Variants in LITAF observed in about 807,000 individuals in gnomAD.
LITAF encodes the protein lipopolysaccharide-induced tumor necrosis factor-alpha factor.
In LITAF, 9 loss-of-function variants were observed where a neutral mutation model predicts 14.5. The observed-to-expected ratio is 0.62, with a 90% confidence interval of 0.37 to 1.08. LITAF has a LOEUF of 1.08. Among genes scored for constraint, LITAF ranks in the 50% least tolerant of loss-of-function variants. The pLI, the probability that LITAF is intolerant of heterozygous loss-of-function variation, is 0.01. For synonymous variants in LITAF, 98 were observed against 88.2 expected (o/e 1.11, Z -0.62); for missense variants, 206 against 213.4 (o/e 0.97, Z 0.22).
chr16:11,577,447 A>C (rs1009681973), intron 1 of LITAF, among the ~76,000 whole-genome samples: 2 of 150,158 alleles, frequency 1.3e-5, no homozygotes, highest in African/African-American at 2.5e-5. Flanking sequence ...CCTCCCGAGT[A>C]GCCGAGATTA....
chr16:11,596,954 C>T (rs1342858149), intron 1 of LITAF, among the ~76,000 whole-genome samples: 1 of 152,120 alleles, frequency 6.6e-6, no homozygotes, highest in Non-Finnish European at 1.5e-5. Context: ...AACAATCCAG[C>T]TGTTTTACAG....
At chr16:11,584,748 C>T (rs2064783884) in intron 1 of LITAF, among the ~76,000 whole-genome samples, 1 of 152,192 alleles carries the variant, frequency 6.6e-6, no homozygotes, top group Non-Finnish European at 1.5e-5. Context: ...CTACTTTCTA[C>T]CCATTGCGTA....
intron 3 of LITAF, among the ~76,000 whole-genome samples, chr16:11,624,178 C>T (rs950429620): frequency 6.6e-6 from 1 of 152,156 alleles, no homozygotes; most frequent in Non-Finnish European, 1.5e-5. Context: ...CCTCTGCTCT[C>T]CTCTGTGATT....
intron 2 of LITAF, chr16:11,556,237 A>G (rs549708708): frequency 3.0e-5 from 16 of 538,258 alleles, no homozygotes; most frequent in Non-Finnish European, 4.9e-5. Context: ...CCATTCTCAG[A>G]AGAAAGTTGG....
chr16:11,569,130 A>G (rs1397981990), intron 1 of LITAF, among the ~76,000 whole-genome samples: 2 of 152,216 alleles, frequency 1.3e-5, no homozygotes, highest in African/African-American at 4.8e-5. Flanking sequence ...GAGCAGCTGA[A>G]CAGGACGCGG....
chr16:11,623,932 A>C (rs910490905), intron 3 of LITAF, among the ~76,000 whole-genome samples: 1 of 152,066 alleles, frequency 6.6e-6, no homozygotes, highest in Non-Finnish European at 1.5e-5. Flanking sequence ...GTGCCATTGC[A>C]CTCCAGCCTG....
chr16:11,582,536 AAATATT>A (rs1229760429), intron 1 of LITAF, among the ~76,000 whole-genome samples: 20 of 152,146 alleles, frequency 1.3e-4, no homozygotes, highest in African/African-American at 4.6e-4. Context: ...GAAAAAGGAG[AAATATT>A]CAATTCTACT....
chr16:11,609,944 G>A (rs2141876644), intron 3 of LITAF, among the ~76,000 whole-genome samples: 1 of 152,234 alleles, frequency 6.6e-6, no homozygotes, highest in Non-Finnish European at 1.5e-5. Flanking sequence ...TCCAGGCCCA[G>A]AGGTCCCCGC....
chr16:11,574,816 T>C (rs1049012445), intron 1 of LITAF, among the ~76,000 whole-genome samples: 6 of 152,088 alleles, frequency 3.9e-5, no homozygotes, highest in Admixed American at 3.9e-4. Context: ...TTTTTTCTCT[T>C]TTTTGAGACA....
At position 11,549,223 on chromosome 16, in the gene LITAF, G is replaced by A. The variant is rs1481091432; in HGVS notation, c.*414C>T. 3 of 443,298 alleles carry A rather than the reference G, an allele frequency of 6.8e-6. No individual in the cohort carries two copies. The highest frequency in any genetic ancestry group is 1.4e-5 in the Non-Finnish European group (3 of 221,170). 27.5% of individuals were successfully genotyped at this position (443,298 alleles called of 1,614,324 possible). ...CTAAAGGCTGGTTCAGCCGAGCTCT[G>A]GGCAGAACAGCCTCAAAAATAAGGC... On this transcript the variant is annotated 3_prime_UTR_variant, in exon 4 of 4. Transcript: ENST00000622633. This position sits in a 1 kb window ranked among gnomAD's most constrained non-coding sequence, Gnocchi z 4.6.
rs188526966 is a variant in LITAF at position 11,613,597 on chromosome 16, C to T, written c.85+19936G>A. On this transcript the variant is annotated intron_variant, in intron 3 of 3. Coordinates refer to the LITAF transcript ENST00000574848. The stretch of plus-strand genomic sequence containing the variant: ...CAAACTGGGCTCCTATGAAAGCTCC[C>T]AGAGGGTGAGGGCAGTCAGGGAAGG... Among the ~76,000 whole-genome samples, 39 of 152,330 alleles carry T rather than the reference C, an allele frequency of 2.6e-4. No homozygotes were observed. The East Asian group carries it at 7.1e-3, about 28-fold the overall frequency.
At chr16:11,583,547 A>T (rs542289201) in intron 1 of LITAF, among the ~76,000 whole-genome samples, 4 of 152,356 alleles carry the variant, frequency 2.6e-5, no homozygotes, top group Middle Eastern at 3.4e-3. Context: ...CCGCCCGATA[A>T]GGACAGCCAG....
chr16:11,600,302 C>T (rs2064919207), upstream of LITAF, among the ~76,000 whole-genome samples: 3 of 152,356 alleles, frequency 2.0e-5, no homozygotes, highest in South Asian at 6.2e-4. This position sits in a 1 kb window ranked among gnomAD's most constrained non-coding sequence, Gnocchi z 4.1. Context: ...TAAATAACTA[C>T]ATCATGGTTG....
rs1207341216 is a variant in LITAF, at chr16:11,548,839, T to A, written c.*798A>T. On this transcript the variant is annotated 3_prime_UTR_variant, in exon 4 of 4. Coordinates refer to ENST00000622633, the MANE Select transcript of LITAF (RefSeq NM_001136472.2). ...TTTTTTTAAAAAAAAGAAATTCTGTTCAAAAGTATTTCAGACCAAAAGGAG... is the reference window on the plus strand; with the variant it reads ...TTTTTTTAAAAAAAAGAAATTCTGTACAAAAGTATTTCAGACCAAAAGGAG... The A allele has an allele frequency of 6.6e-6, 3 of 453,324 alleles. No homozygotes were observed. The highest frequency in any genetic ancestry group is 7.0e-5 in the East Asian group (1 of 14,380). 28.1% of individuals were successfully genotyped at this position (453,324 alleles called of 1,614,324 possible).
chr16:11,574,975 T>G (rs540915560), intron 1 of LITAF, among the ~76,000 whole-genome samples: 10 of 152,172 alleles, frequency 6.6e-5, no homozygotes, highest in East Asian at 1.9e-4. Flanking sequence ...GCTCATTTTT[T>G]TATTTTTAGT....
chr16:11,587,104 C>T, upstream of LITAF: 1 of 281,842 alleles, frequency 3.5e-6, no homozygotes, highest in Non-Finnish European at 7.1e-6. Context: ...CCCCAGGCTC[C>T]ATCCCACACC....
upstream of LITAF, among the ~76,000 whole-genome samples, chr16:11,600,104 C>A (rs1315183075): frequency 2.6e-5 from 4 of 152,150 alleles, no homozygotes; most frequent in Admixed American, 2.6e-4. This position sits in a 1 kb window ranked among gnomAD's most constrained non-coding sequence, Gnocchi z 4.1. Context: ...CTCAAGCAAT[C>A]CTACCACCTC....
At position 11,553,483 on chromosome 16, in the gene LITAF, C is replaced by T. The variant is rs778586892; in HGVS notation, c.377+50G>A. On this transcript the variant is annotated intron_variant, in intron 3 of 3. Transcript: ENST00000622633. The surrounding 1 kb of genome is among the most constrained non-coding windows in gnomAD (Gnocchi z 7.7). ...AGTTGAGAACCCACCCCCGCCAGCA[C>T]CCAGAGAGAAGGGCAGGATGGCTTG... The T allele has an allele frequency of 1.2e-6, 2 of 1,606,942 alleles. No homozygotes were observed. Among genetic ancestry groups the T allele is most frequent in the Non-Finnish European group, 8.5e-7 (1 of 1,175,656 alleles).
Position 11,547,873 on chromosome 16 carries a change from G to A in LITAF, c.*1764C>T, listed in dbSNP as rs2064128475. On this transcript the variant is annotated 3_prime_UTR_variant, in exon 4 of 4. Coordinates refer to ENST00000622633, the MANE Select transcript of LITAF (RefSeq NM_001136472.2). ...TCATCTTGACATTGCAGGATATTCA[G>A]CAAGTCTGAAGTTTTTAATCGGGAA... 2.2e-6 allele frequency: 1 copy of A among 454,092 alleles called. No homozygotes were observed. The highest frequency in any genetic ancestry group is 2.0e-5 in the African/African-American group (1 of 50,100). 28.1% of individuals were successfully genotyped at this position (454,092 alleles called of 1,614,324 possible).
Sources: allele counts gnomAD v4.1 joint callset (sites outside exome capture counted in the v4.1 genomes callset), GRCh38; gene constraint gnomAD v4.1.1; non-coding constraint Gnocchi (gnomAD v3.1); transcripts MANE v1.5; gene names NCBI Gene and HGNC (gene_info 2026-07-23, HGNC 2026-07-21).